The following CFAP263 variants were observed in gnomAD, a reference collection of about 807,000 sequenced individuals.
CFAP263 encodes the protein cilia and flagella associated protein 263, also known as cilia- and flagella-associated protein 263.
At chr16:58,250,804 C>G in the CFAP263 span, among the ~76,000 whole-genome samples, 1 of 150,868 alleles carries the variant, frequency 6.6e-6, no homozygotes. Context: ...AAAACTAACA[C>G]GGCAGCAGAA....
chr16:58,272,885 C>G, the CFAP263 span, among the ~76,000 whole-genome samples: 3 of 151,458 alleles, frequency 2.0e-5, no homozygotes. Context: ...GGCTTGGTGT[C>G]TTTTATTTGA....
At chr16:58,261,261 A>G in the CFAP263 span, among the ~76,000 whole-genome samples, 4 of 152,144 alleles carry the variant, frequency 2.6e-5, no homozygotes, top group Non-Finnish European at 4.4e-5. Context: ...GGGGCTGTGG[A>G]TGGAGGTGTC....
chr16:58,275,684 T>C, the CFAP263 span, among the ~76,000 whole-genome samples: 1 of 152,202 alleles, frequency 6.6e-6, no homozygotes, highest in African/African-American at 2.4e-5. Context: ...TGATAAAGCT[T>C]TGATATTGAT....
the CFAP263 span, chr16:58,279,605 A>T: frequency 9.0e-7 from 1 of 1,115,062 alleles, no homozygotes; most frequent in Non-Finnish European, 1.3e-6. Context: ...CTGCATTCTC[A>T]GTAGCCACAA....
chr16:58,280,529 T>C, the CFAP263 span: 172,369 of 1,614,022 alleles, frequency 0.11, 9,593 homozygotes, highest in Admixed American at 0.13. Flanking sequence ...TGTGTCATGG[T>C]GGCATTTGGT....
chr16:58,259,000 A>C, the CFAP263 span, among the ~76,000 whole-genome samples: 1 of 151,006 alleles, frequency 6.6e-6, no homozygotes, highest in African/African-American at 2.4e-5. Context: ...TAAATAAATA[A>C]ATAAATAAAT....
chr16:58,254,783 T>A, the CFAP263 span, among the ~76,000 whole-genome samples: 1 of 152,018 alleles, frequency 6.6e-6, no homozygotes, highest in East Asian at 1.9e-4. Flanking sequence ...TTTTTTTGTA[T>A]TTTTAGTAGA....
At chr16:58,273,709 G>T in the CFAP263 span, among the ~76,000 whole-genome samples, 3 of 152,254 alleles carry the variant, frequency 2.0e-5, no homozygotes, top group South Asian at 6.2e-4. Flanking sequence ...TCCCTGGGTG[G>T]ATCATGGTTT....
the CFAP263 span, among the ~76,000 whole-genome samples, chr16:58,263,261 A>G: frequency 4.3e-4 from 66 of 152,178 alleles, no homozygotes; most frequent in African/African-American, 1.6e-3. Flanking sequence ...TTTATAACCA[A>G]TTTGATTATA....
the CFAP263 span, chr16:58,278,440 C>T: frequency 1.3e-6 from 2 of 1,598,230 alleles, no homozygotes; most frequent in Middle Eastern, 1.8e-4. Flanking sequence ...AAAGCAAGAG[C>T]TGCTGGGGTT....
At chr16:58,249,947 G>A in the CFAP263 span, 1 of 1,069,030 alleles carries the variant, frequency 9.4e-7, no homozygotes. Context: ...CAGCCGGAGT[G>A]ACGCGTGGCC....
the CFAP263 span, chr16:58,249,984 C>G: frequency 4.1e-6 from 6 of 1,451,752 alleles, no homozygotes; most frequent in Non-Finnish European, 4.8e-6. Flanking sequence ...CCTGGGCACA[C>G]GGCATTGGCA....
At chr16:58,261,852 A>C in the CFAP263 span, among the ~76,000 whole-genome samples, 67 of 152,230 alleles carry the variant, frequency 4.4e-4, 1 homozygote, top group East Asian at 1.2e-3. Context: ...TCAGGGAGGG[A>C]ACCTTATACA....
the CFAP263 span, among the ~76,000 whole-genome samples, chr16:58,260,345 T>A: frequency 2.0e-5 from 3 of 152,158 alleles, no homozygotes; most frequent in Non-Finnish European, 4.4e-5. Context: ...CCTGCTGAGA[T>A]CCTGATTTGA....
At chr16:58,276,394 A>G in the CFAP263 span, among the ~76,000 whole-genome samples, 1 of 152,220 alleles carries the variant, frequency 6.6e-6, no homozygotes, top group Admixed American at 6.5e-5. Context: ...CCAAACATTA[A>G]CATGCACATA....
At chr16:58,266,812 A>C in the CFAP263 span, among the ~76,000 whole-genome samples, 1 of 152,176 alleles carries the variant, frequency 6.6e-6, no homozygotes. Flanking sequence ...CAGATGATGC[A>C]GTGGGAATCT....
chr16:58,282,815 G>A, the CFAP263 span: 2 of 152,262 alleles, frequency 1.3e-5, no homozygotes, highest in African/African-American at 4.8e-5. Context: ...AACTGTAGTG[G>A]TATAGCCAGA....
At chr16:58,255,903 T>C in the CFAP263 span, among the ~76,000 whole-genome samples, 22,130 of 152,216 alleles carry the variant, frequency 0.15, 2,100 homozygotes, top group East Asian at 0.33. Flanking sequence ...GCCCATGGTT[T>C]GTGCCCTGTT....
chr16:58,280,494 C>A, the CFAP263 span: 31 of 1,614,004 alleles, frequency 1.9e-5, no homozygotes, highest in Non-Finnish European at 2.5e-5. Context: ...CAACATGGCC[C>A]AGTTCAGAAT....
Sources: gnomAD v4.1 joint callset for allele counts (sites outside exome capture counted in the v4.1 genomes callset) on GRCh38, gnomAD v4.1.1 for gene constraint, MANE v1.5 for transcripts, NCBI Gene and HGNC (gene_info 2026-07-23, HGNC 2026-07-21) for gene names.